PGAP3: variants seen among roughly 807,000 people sequenced by gnomAD.
The protein encoded by PGAP3 is post-GPI attachment to proteins phospholipase 3.
In PGAP3, 31 loss-of-function variants were observed where a neutral mutation model predicts 40.3. The ratio of observed to expected loss-of-function variants is 0.77; its 90% confidence interval spans 0.58 to 1.04. PGAP3 has a LOEUF of 1.04. Ranked by LOEUF, PGAP3 falls within the 50% of genes least tolerant of loss-of-function variation. The pLI, the probability that PGAP3 is intolerant of heterozygous loss-of-function variation, is 0.00. For synonymous variants in PGAP3, 191 were observed against 184.5 expected, an observed-to-expected ratio of 1.04 and a Z score of -0.29; for missense variants, 413 against 423.0, an observed-to-expected ratio of 0.98 and a Z score of 0.21.
At chr17:39,682,575 C>T (rs972027088) in intron 3 of PGAP3, among the ~76,000 whole-genome samples, 2 of 152,130 alleles carry the variant, frequency 1.3e-5, no homozygotes, top group Admixed American at 1.3e-4. Flanking sequence ...AATGTTACCT[C>T]CAAAACACAG....
intron 1 of PGAP3, 94 bp downstream of exon 1, chr17:39,687,740 G>A: frequency 9.8e-7 from 1 of 1,022,324 alleles, no homozygotes; most frequent in Non-Finnish European, 1.3e-6. Context: ...ACCTCGTGGG[G>A]AAACTAAGGT....
intron 3 of PGAP3, among the ~76,000 whole-genome samples, chr17:39,681,975 C>CT (rs2057445736): frequency 6.6e-6 from 1 of 151,510 alleles, no homozygotes. Context: ...AATCTCAGCA[C>CT]TTTGGGAGGC....
In PGAP3 at chr17:39,688,002, C is replaced by A. The variant is rs768282987; in HGVS notation, c.13G>T (p.Ala5Ser). Residue 5 changes from alanine (A) to serine (S), a missense_variant, in exon 1 of 8, where the codon GCG (alanine) becomes TCG (serine). By Grantham distance (99) the Ala-to-Ser change is moderately conservative (BLOSUM62 1). Transcript: ENST00000300658. ...CCAGCTAGCAGGACCAACCGCGCCGCCAGGCCGGCCATCCTTTCTCCCTGG... is the reference window on the plus strand; with the variant it reads ...CCAGCTAGCAGGACCAACCGCGCCGACAGGCCGGCCATCCTTTCTCCCTGG... MAGL[A>S]ARLVLLAGAA... The A allele has an allele frequency of 1.4e-6, 2 of 1,412,076 alleles. No homozygotes were observed. Among genetic ancestry groups the A allele is most frequent in the Non-Finnish European group, 1.9e-6 (2 of 1,065,420 alleles). 87.5% of individuals were successfully genotyped at this position (1,412,076 alleles called of 1,614,324 possible).
Position 39,673,271 on chromosome 17 carries a change from G to T in PGAP3, c.695-16C>A. 6.4e-7 allele frequency: 1 copy of T among 1,555,902 alleles called. No homozygotes were observed. Among genetic ancestry groups the T allele is most frequent in the South Asian group, 1.2e-5 (1 of 85,180 alleles). ...TTGACCAGGCCTGGGTGCCAGTGGG[G>T]GCAGGAGAGACTCATTCCTTCGGCT... On this transcript the variant is annotated splice_polypyrimidine_tract_variant and intron_variant, in intron 6 of 7. Transcript: ENST00000300658.
At chr17:39,674,252 C>G (rs2145102040) in intron 4 of PGAP3, among the ~76,000 whole-genome samples, 198 bp from the exon 5 acceptor site, 1 of 152,298 alleles carries the variant, frequency 6.6e-6, no homozygotes, top group East Asian at 1.9e-4. Flanking sequence ...TTTAGGGACG[C>G]TGGTGGAGGG....
At position 39,673,072 on chromosome 17, in the gene PGAP3, G is replaced by A. The variant is rs772475694; in HGVS notation, c.878C>T (p.Pro293Leu). 3 of 1,608,128 alleles carry A rather than the reference G, an allele frequency of 1.9e-6. No individual in the cohort carries two copies. Among genetic ancestry groups the A allele is most frequent in the Non-Finnish European group, 2.5e-6 (3 of 1,177,666 alleles). ...CCACCTGAAAAAGAGGACGTGGACA[G>A]GGATGGTGCTGATGTGCCAGATGGC... is the stretch of plus-strand genomic sequence containing the variant. The part of the protein sequence containing the change: ...AHAIWHISTI[P>L]VHVLFFSFLE... The change falls in exon 7 of 8, where the codon CCT (proline) becomes CTT (leucine). Residue 293 changes from proline (P) to leucine (L), a missense_variant. Coordinates refer to ENST00000300658, the MANE Select transcript of PGAP3 (RefSeq NM_033419.5).
At chr17:39,684,149 A>AG (rs2057477641) in intron 3 of PGAP3, among the ~76,000 whole-genome samples, 1 of 143,862 alleles carries the variant, frequency 7.0e-6, no homozygotes, top group African/African-American at 2.5e-5. Flanking sequence ...AAAAAAAAAA[A>AG]AAAAGACTAG....
chr17:39,685,607 G>A (rs1223612625), intron 2 of PGAP3, among the ~76,000 whole-genome samples: 1 of 152,104 alleles, frequency 6.6e-6, no homozygotes, highest in Non-Finnish European at 1.5e-5. Context: ...AGAAGCAACA[G>A]GAAACAAGCC....
At position 39,687,154 on chromosome 17, in the gene PGAP3, T is replaced by C. The variant is rs570323099; in HGVS notation, c.181+680A>G. 1.4e-3 allele frequency among the ~76,000 whole-genome samples: 209 copies of C among 152,318 alleles called. 2 individuals carry two copies. The highest frequency in any genetic ancestry group is 4.8e-3 in the African/African-American group (199 of 41,574). On this transcript the variant is annotated intron_variant, in intron 1 of 7. Transcript: ENST00000300658. Reference sequence around the variant, plus strand: ...TGGTATAATAGTAAAGAGGACAAGCTTGTGGTCAAACAGGCCAGAACTGGA... The same window carrying C: ...TGGTATAATAGTAAAGAGGACAAGCCTGTGGTCAAACAGGCCAGAACTGGA...
At chr17:39,679,604 G>A (rs541604289) in intron 3 of PGAP3, among the ~76,000 whole-genome samples, 13 of 152,320 alleles carry the variant, frequency 8.5e-5, no homozygotes, top group African/African-American at 3.1e-4. Context: ...AACGTCCTCA[G>A]CTTCCCTGCC....
At chr17:39,684,566 G>A (rs1323663663) in intron 3 of PGAP3, 31 bp downstream of exon 3, 3 of 1,582,960 alleles carry the variant, frequency 1.9e-6, no homozygotes, top group Non-Finnish European at 2.6e-6. Context: ...TAGATAAGAG[G>A]AGACAGCAGG....
intron 3 of PGAP3, among the ~76,000 whole-genome samples, chr17:39,679,653 C>T (rs1005956133): frequency 1.3e-5 from 2 of 152,220 alleles, no homozygotes; most frequent in Non-Finnish European, 2.9e-5. Context: ...TTGCTTCGCT[C>T]CAAGAGGCCT....
intron 4 of PGAP3, 112 bp downstream of exon 4, chr17:39,674,505 C>T (rs1363684776): frequency 2.5e-6 from 3 of 1,198,150 alleles, no homozygotes; most frequent in African/African-American, 3.1e-5. Flanking sequence ...ACCCCATACT[C>T]CTCCCAGTGC....
Position 39,685,934 on chromosome 17 carries a change from C to G in PGAP3, c.267G>C (p.Gln89His). 3 of 1,613,216 alleles carry G rather than the reference C, an allele frequency of 1.9e-6. No individual in the cohort carries two copies. Among genetic ancestry groups the G allele is most frequent in the Non-Finnish European group, 2.5e-6 (3 of 1,179,374 alleles). The part of the protein sequence containing the change: ...LYLQEGHKVP[Q>H]FHGKWPFSRF... Reference sequence around the variant, plus strand: ...CCCTCCAACTCACCTTGCCATGGAACTGAGGCACTTTGTGACCTTCCTGGA... The same window carrying G: ...CCCTCCAACTCACCTTGCCATGGAAGTGAGGCACTTTGTGACCTTCCTGGA... Residue 89 changes from glutamine to histidine, a missense_variant, in exon 2 of 8, where the codon CAG becomes CAC. By Grantham distance (24) the Gln-to-His change is conservative (BLOSUM62 0). Coordinates refer to ENST00000300658, the MANE Select transcript of PGAP3 (RefSeq NM_033419.5).
intron 1 of PGAP3, among the ~76,000 whole-genome samples, chr17:39,687,206 T>C (rs75362518): frequency 4.6e-5 from 7 of 152,358 alleles, no homozygotes; most frequent in African/African-American, 1.7e-4. Flanking sequence ...ATACTGGCTG[T>C]GTGACCTTGG....
chr17:39,672,746 G>A lies in PGAP3; in HGVS notation c.*57C>T, dbSNP rs1158386348. On this transcript the variant is annotated 3_prime_UTR_variant, in exon 8 of 8. Transcript: ENST00000300658. ...ATCATCTCAAGGGTTGAGGGGAGAAGGGAGGCCAGCAGGGCGGGGGCAGGA... is the reference window on the plus strand; with the variant it reads ...ATCATCTCAAGGGTTGAGGGGAGAAAGGAGGCCAGCAGGGCGGGGGCAGGA... 5.3e-6 allele frequency: 8 copies of A among 1,511,524 alleles called. No individual in the cohort carries two copies. The Admixed American group carries it at 1.3e-4, about 25-fold the overall frequency. The allele number at this position is 1,511,524 out of a possible 1,614,324, so 93.6% of individuals were successfully genotyped here.
At chr17:39,676,267 T>A (rs2057373986) in intron 3 of PGAP3, among the ~76,000 whole-genome samples, 1 of 151,848 alleles carries the variant, frequency 6.6e-6, no homozygotes, top group Non-Finnish European at 1.5e-5. Flanking sequence ...AACAGGGACA[T>A]CCTTAGGGAG....
Position 39,687,816 on chromosome 17 carries a change from CG to C in PGAP3, c.181+17del. The C allele has an allele frequency of 7.3e-7, 1 of 1,368,554 alleles. No individual in the cohort carries two copies. The allele number at this position is 1,368,554 out of a possible 1,614,324, so 84.8% of individuals were successfully genotyped here. A position where few individuals can be genotyped will look rare whatever the true frequency, so the allele number is the denominator to read the frequency against. On this transcript the variant is annotated intron_variant, in intron 1 of 7. Transcript: ENST00000300658. ...AGCAAGACAAATGGGCGGGGCTTAC[CG>C]TGGGGGTGGGGCTTACCTGCTAGAC...
At chr17:39,675,966 AAAC>A (rs2057370821) in intron 3 of PGAP3, among the ~76,000 whole-genome samples, 1 of 152,084 alleles carries the variant, frequency 6.6e-6, no homozygotes, top group Non-Finnish European at 1.5e-5. Context: ...GGCTCAAGTG[AAAC>A]TTCAGTTCCT....
Sources: gnomAD v4.1 joint callset for allele counts (sites outside exome capture counted in the v4.1 genomes callset) on GRCh38, gnomAD v4.1.1 for gene constraint, MANE v1.5 for transcripts, NCBI Gene and HGNC (gene_info 2026-07-23, HGNC 2026-07-21) for gene names.